TFCP2: variants seen among roughly 807,000 people sequenced by gnomAD.
The protein encoded by TFCP2 is alpha-globin transcription factor CP2.
Under a neutral mutation model 73.4 loss-of-function variants are expected in TFCP2, and 33 were observed. The observed-to-expected ratio is 0.45, with a 90% CI of 0.34 to 0.60. The LOEUF is 0.60. Ranked by LOEUF, TFCP2 falls within the 20% of genes least tolerant of loss-of-function variation. The probability of loss-of-function intolerance (pLI) is 0.01; values close to 1 mark genes in which losing one functional copy is unlikely to be tolerated. For synonymous variants in TFCP2, 193 were observed against 211.6 expected (o/e 0.91, Z 0.76); for missense variants, 352 against 604.0 (o/e 0.58, Z 4.37).
intron 10 of TFCP2, among the ~76,000 whole-genome samples, chr12:51,102,878 G>A (rs766148399): frequency 1.3e-5 from 2 of 149,934 alleles, no homozygotes; most frequent in African/African-American, 4.9e-5. Flanking sequence ...ATTTTGATTC[G>A]ATTAGTTGTG....
At chr12:51,117,621 A>G (rs1236385031) in intron 3 of TFCP2, 50 bp downstream of exon 3, 1 of 1,442,226 alleles carries the variant, frequency 6.9e-7, no homozygotes, top group Non-Finnish European at 9.6e-7. Context: ...TTAAAATCCC[A>G]AAAGGATTAG....
Position 51,095,237 on chromosome 12 carries a change from A to C in TFCP2, c.*4T>G. ...GCAGCCACTGGGCACGAAACGCCGCACTCCTACTTCAGTATGATATGATAG... is the reference window on the plus strand; with the variant it reads ...GCAGCCACTGGGCACGAAACGCCGCCCTCCTACTTCAGTATGATATGATAG... On this transcript the variant is annotated 3_prime_UTR_variant, in exon 15 of 15. Transcript: ENST00000257915. 3 of 1,613,774 alleles carry C rather than the reference A, an allele frequency of 1.9e-6. No homozygotes were observed. The highest frequency in any genetic ancestry group is 1.6e-4 in the Middle Eastern group (1 of 6,062).
intron 1 of TFCP2, chr12:51,124,772 CT>C (rs1335537870): frequency 1.3e-5 from 10 of 795,816 alleles, no homozygotes; most frequent in Admixed American, 3.5e-5. Context: ...GCTGCTCAAC[CT>C]TTTTCTGCTG....
At chr12:51,107,198 T>C in intron 7 of TFCP2, 38 bp downstream of exon 7, 1 of 1,521,236 alleles carries the variant, frequency 6.6e-7, no homozygotes. Context: ...AGATTAAAAA[T>C]TATGAACTGA....
Position 51,172,480 on chromosome 12 carries a change from A to G in TFCP2, c.-58T>C. The G allele has an allele frequency of 1.9e-6, 3 of 1,607,262 alleles. No individual in the cohort carries two copies. Among genetic ancestry groups the G allele is most frequent in the Non-Finnish European group, 2.5e-6 (3 of 1,177,536 alleles). On this transcript the variant is annotated 5_prime_UTR_variant, in exon 1 of 15. Transcript: ENST00000257915. ...GTCTTGTACAAAGGCGCGGAGGGTA[A>G]TTCTACCCAACAGGAGTAACGCAAA...
In TFCP2 at chr12:51,112,109, G is replaced by A. The variant is rs186019344; in HGVS notation, c.458-1126C>T. Among the ~76,000 whole-genome samples the A allele has an allele frequency of 2.2e-4, 33 of 151,710 alleles. No homozygotes were observed. In the East Asian group the frequency reaches 6.4e-3, roughly 29 times the overall value. On this transcript the variant is annotated intron_variant, in intron 4 of 14. Coordinates refer to ENST00000257915, the MANE Select transcript of TFCP2 (RefSeq NM_005653.5). ...GGGAGGCGGAGGTTGCAGTGAGCCA[G>A]TATTGCGCCACTGTGCTCCAGCCTG...
At chr12:51,155,804 G>A (rs537547046) in intron 1 of TFCP2, among the ~76,000 whole-genome samples, 18 of 152,322 alleles carry the variant, frequency 1.2e-4, no homozygotes, top group Non-Finnish European at 2.2e-4. Flanking sequence ...CACTTTGGGA[G>A]GCCAAGGTGG....
At chr12:51,164,596 CG>C (rs200253193) in intron 1 of TFCP2, among the ~76,000 whole-genome samples, 7 of 96,906 alleles carry the variant, frequency 7.2e-5, no homozygotes, top group Admixed American at 1.4e-4. Flanking sequence ...GACTCCATCT[CG>C]AAAAAAAAAA....
chr12:51,141,232 G>A (rs796402826), intron 1 of TFCP2, among the ~76,000 whole-genome samples: 13 of 151,488 alleles, frequency 8.6e-5, no homozygotes, highest in African/African-American at 2.4e-4. Context: ...GGAAGTGGGG[G>A]AAGAACTAAA....
intron 12 of TFCP2, 141 bp downstream of exon 12, chr12:51,099,514 A>C (rs1940055525): frequency 8.8e-7 from 1 of 1,138,802 alleles, no homozygotes; most frequent in Admixed American, 2.2e-5. Context: ...GCCATGTATT[A>C]GGAACTTAAT....
chr12:51,096,599 C>T (rs1376114451), intron 13 of TFCP2, among the ~76,000 whole-genome samples: 1 of 152,214 alleles, frequency 6.6e-6, no homozygotes, highest in East Asian at 1.9e-4. Flanking sequence ...TGGTTTCTAA[C>T]TCTTTCCTTT....
intron 1 of TFCP2, among the ~76,000 whole-genome samples, chr12:51,140,881 C>T (rs1051983889): frequency 9.2e-5 from 14 of 151,848 alleles, no homozygotes; most frequent in African/African-American, 2.4e-4. Context: ...CATGGTGAAA[C>T]GCTGTCTCTA....
intron 1 of TFCP2, among the ~76,000 whole-genome samples, chr12:51,134,658 C>T (rs2137007361): frequency 2.0e-5 from 3 of 152,272 alleles, no homozygotes; most frequent in Middle Eastern, 6.8e-3. Context: ...CTGTTCTAGT[C>T]TTTTGTGCCC....
At chr12:51,095,904 A>C in intron 14 of TFCP2, 85 bp downstream of exon 14, 3 of 1,029,712 alleles carry the variant, frequency 2.9e-6, no homozygotes, top group Non-Finnish European at 4.3e-6. Flanking sequence ...TACTTTTCCT[A>C]TCTCTCCTCA....
intron 1 of TFCP2, among the ~76,000 whole-genome samples, chr12:51,163,440 A>C (rs948471841): frequency 2.6e-5 from 4 of 152,064 alleles, no homozygotes; most frequent in African/African-American, 9.7e-5. Context: ...AAATACAAAA[A>C]TTAGCTGGGT....
intron 1 of TFCP2, among the ~76,000 whole-genome samples, chr12:51,136,311 A>G (rs1330796362): frequency 6.6e-6 from 1 of 151,726 alleles, no homozygotes; most frequent in East Asian, 1.9e-4. Context: ...ATAAAAAAAA[A>G]AAAAAAGAAA....
Position 51,116,311 on chromosome 12 carries a change from T to G in TFCP2, c.457+4A>C. The G allele has an allele frequency of 6.4e-7, 1 of 1,561,304 alleles. No homozygotes were observed. On this transcript the variant is annotated splice_donor_region_variant and intron_variant, in intron 4 of 14. Transcript: ENST00000257915. ...TTCCTAGGCAATAGATTCTCTTAAC[T>G]CACCTATGTCAAGAATTCTGTCTCC...
Position 51,104,277 on chromosome 12 carries a change from A to G in TFCP2, c.918-74T>C. 13 of 1,293,202 alleles carry G rather than the reference A, an allele frequency of 1.0e-5. No homozygotes were observed. In the South Asian group the frequency reaches 1.7e-4, roughly 17 times the overall value. The allele number at this position is 1,293,202 out of a possible 1,614,324, so 80.1% of individuals were successfully genotyped here. On this transcript the variant is annotated intron_variant, in intron 8 of 14. Coordinates refer to ENST00000257915, the MANE Select transcript of TFCP2 (RefSeq NM_005653.5). Reference sequence around the variant, plus strand: ...GCTCATTATTTCATTCCTCAGCTTCACAATAAATCTCATGCTAGAGATTAA... The same window carrying G: ...GCTCATTATTTCATTCCTCAGCTTCGCAATAAATCTCATGCTAGAGATTAA...
intron 11 of TFCP2, among the ~76,000 whole-genome samples, 187 bp from the exon 12 acceptor site, chr12:51,099,966 T>C (rs1031890318): frequency 1.1e-4 from 17 of 152,122 alleles, no homozygotes; most frequent in African/African-American, 3.9e-4. Flanking sequence ...TTTCCTTAAG[T>C]GGAATTAGTT....
Sources: allele counts gnomAD v4.1 joint callset (sites outside exome capture counted in the v4.1 genomes callset), GRCh38; gene constraint gnomAD v4.1.1; transcripts MANE v1.5; gene names NCBI Gene and HGNC (gene_info 2026-07-23, HGNC 2026-07-21).